CCDC33: variants seen among roughly 807,000 people sequenced by gnomAD.
The protein encoded by CCDC33 is coiled-coil domain-containing protein 33.
CCDC33 carries 94 observed loss-of-function variants against 91.9 expected under a neutral mutation model. The observed-to-expected ratio is 1.02, with a 90% CI of 0.87 to 1.21. CCDC33 has a LOEUF of 1.21. Among genes scored for constraint, CCDC33 ranks in the 50% most tolerant of loss-of-function variants. The pLI, the probability that CCDC33 is intolerant of heterozygous loss-of-function variation, is 0.00. For missense variants in CCDC33, 940 were observed against 935.5 expected (o/e 1.00, Z -0.06); for synonymous variants, 396 against 374.5 (o/e 1.06, Z -0.66).
At chr15:74,287,015 A>G (rs145429398) in intron 10 of CCDC33, among the ~76,000 whole-genome samples, 43 of 152,328 alleles carry the variant, frequency 2.8e-4, no homozygotes, top group African/African-American at 9.9e-4. Context: ...AGTGAGGACA[A>G]GTGGCCACTT....
rs141876621 is a variant in CCDC33 at position 74,212,120 on chromosome 15, G to A, written n.237-26G>A. On this transcript the variant is annotated intron_variant and non_coding_transcript_variant, in intron 2 of 3. Transcript: ENST00000558645. ...CCTGCCATCTCCTGCCCTCTTTCCC[G>A]CCTTACCTGCTCTGTCTGTCCCCAG... is the stretch of plus-strand genomic sequence containing the variant. The A allele has an allele frequency of 5.9e-3, 905 of 152,950 alleles. 10 individuals are homozygous for A. The highest frequency in any genetic ancestry group is 0.021 in the African/African-American group (858 of 41,492). The allele number at this position is 152,950 out of a possible 1,614,324, so 9.5% of individuals were successfully genotyped here.
At position 74,316,909 on chromosome 15, in the gene CCDC33, G is replaced by A. The variant is rs889978252; in HGVS notation, c.1291-13280G>A. On this transcript the variant is annotated intron_variant, in intron 11 of 18. Transcript: ENST00000398814. This position sits in a 1 kb window ranked among gnomAD's most constrained non-coding sequence, Gnocchi z 4.7. ...GAGAAAACAGGCTTAGAGAGGTTAA[G>A]TGACCTGTCCAAAGTCACACAGCTG... 6.6e-6 allele frequency among the ~76,000 whole-genome samples: 1 copy of A among 152,204 alleles called. No homozygotes were observed. The highest frequency in any genetic ancestry group is 6.5e-5 in the Admixed American group (1 of 15,276).
intron 16 of CCDC33, chr15:74,333,355 C>T (rs1334267551): frequency 4.7e-6 from 7 of 1,499,796 alleles, no homozygotes; most frequent in South Asian, 2.4e-5. Context: ...ATGCCCAGGC[C>T]CTGCTCCACC....
rs2060412168 is a variant in CCDC33 at position 74,330,651 on chromosome 15, C to A, written c.1457-12C>A. 1 of 1,609,718 alleles carries A rather than the reference C, an allele frequency of 6.2e-7. No homozygotes were observed. Among genetic ancestry groups the A allele is most frequent in the Non-Finnish European group, 8.5e-7 (1 of 1,177,042 alleles). On this transcript the variant is annotated splice_polypyrimidine_tract_variant and intron_variant, in intron 12 of 18. Coordinates refer to ENST00000398814, the MANE Select transcript of CCDC33 (RefSeq NM_025055.5). ...CTTCCTCCCTGAGCCAGCTCCCCAACCCACCTAACAGTGTCCATGAAGCAG... is the reference window on the plus strand; with the variant it reads ...CTTCCTCCCTGAGCCAGCTCCCCAAACCACCTAACAGTGTCCATGAAGCAG...
chr15:74,331,152 T>C, intron 14 of CCDC33, 40 bp downstream of exon 14: 2 of 1,613,884 alleles, frequency 1.2e-6, no homozygotes, highest in Non-Finnish European at 1.7e-6. Flanking sequence ...CAACTGATGA[T>C]GGCAGAGTAG....
intron 2 of CCDC33, among the ~76,000 whole-genome samples, chr15:74,260,346 C>A (rs1258893712): frequency 1.3e-5 from 2 of 152,218 alleles, no homozygotes; most frequent in East Asian, 3.9e-4. Context: ...TCTGCAGAGC[C>A]TGCAGGGGTG....
Position 74,244,538 on chromosome 15 carries a change from C to T in CCDC33, c.185+390C>T, listed in dbSNP as rs576564268. 6.6e-6 allele frequency among the ~76,000 whole-genome samples: 1 copy of T among 152,210 alleles called. No individual in the cohort carries two copies. The highest frequency in any genetic ancestry group is 6.5e-5 in the Admixed American group (1 of 15,294). On this transcript the variant is annotated intron_variant, in intron 2 of 18. Transcript: ENST00000398814. The surrounding 1 kb of genome is among the most constrained non-coding windows in gnomAD (Gnocchi z 4.2). ...CTGACTTCTGGGTGCCCCACCCCAC[C>T]ATACCCAGCCCTGGGGTAGGGTCCT...
chr15:74,251,660 G>A (rs2075714370), intron 2 of CCDC33, among the ~76,000 whole-genome samples: 1 of 152,190 alleles, frequency 6.6e-6, no homozygotes, highest in South Asian at 2.1e-4. Context: ...GCCAGCTAGA[G>A]TCATACTCAG....
chr15:74,276,030 C>T (rs999593940), intron 7 of CCDC33, among the ~76,000 whole-genome samples: 13 of 152,248 alleles, frequency 8.5e-5, no homozygotes, highest in African/African-American at 2.9e-4. Flanking sequence ...ACCCAGCCAT[C>T]CCTCAGCAGA....
At chr15:74,282,169 T>C (rs994639076) in intron 10 of CCDC33, among the ~76,000 whole-genome samples, 3 of 152,184 alleles carry the variant, frequency 2.0e-5, no homozygotes, top group African/African-American at 4.8e-5. Context: ...ATAACCAAAT[T>C]AGCAGCTTAA....
upstream of CCDC33, chr15:74,236,319 A>C: frequency 5.3e-6 from 1 of 188,274 alleles, no homozygotes; most frequent in Non-Finnish European, 1.1e-5. Context: ...GCTAGGTGGA[A>C]GAGCTTATTG....
chr15:74,333,592 A>G (rs1165993341), intron 16 of CCDC33, among the ~76,000 whole-genome samples: 1 of 152,206 alleles, frequency 6.6e-6, no homozygotes, highest in East Asian at 1.9e-4. Flanking sequence ...AAAGACTCCC[A>G]GTGCGTTAAT....
intron 5 of CCDC33, among the ~76,000 whole-genome samples, chr15:74,270,129 G>A (rs911301423): frequency 4.6e-5 from 7 of 152,226 alleles, no homozygotes; most frequent in African/African-American, 1.4e-4. Context: ...TGAGAGCTGC[G>A]AGGCCCTAAG....
chr15:74,275,837 T>C (rs1230826865), intron 7 of CCDC33, among the ~76,000 whole-genome samples: 1 of 152,102 alleles, frequency 6.6e-6, no homozygotes, highest in Non-Finnish European at 1.5e-5. Context: ...GCCCAGCTAA[T>C]TTTGTATATT....
chr15:74,219,735 A>G (rs2074540258), intron 2 of CCDC33, among the ~76,000 whole-genome samples: 1 of 152,164 alleles, frequency 6.6e-6, no homozygotes, highest in South Asian at 2.1e-4. Flanking sequence ...TCATTCATCC[A>G]TCAGACATTT....
intron 1 of CCDC33, among the ~76,000 whole-genome samples, chr15:74,243,107 G>A (rs2142264872): frequency 6.6e-6 from 1 of 152,340 alleles, no homozygotes; most frequent in East Asian, 1.9e-4. Flanking sequence ...CCTGCTTGGG[G>A]CAACTGGTGT....
intron 7 of CCDC33, among the ~76,000 whole-genome samples, chr15:74,279,673 A>G (rs1418770687): frequency 6.6e-6 from 1 of 152,096 alleles, no homozygotes; most frequent in Non-Finnish European, 1.5e-5. Flanking sequence ...GGTAGCTGGG[A>G]TTACAGGAGT....
Position 74,244,223 on chromosome 15 carries a change from A to G in CCDC33, c.185+75A>G. On this transcript the variant is annotated intron_variant, in intron 2 of 18. Transcript: ENST00000398814. This position sits in a 1 kb window ranked among gnomAD's most constrained non-coding sequence, Gnocchi z 4.2. ...AGAAACCAGGGGACAGCTATTTGGA[A>G]TACTAGCACCCAAAGGCCCAGGACT... 1 of 1,529,934 alleles carries G rather than the reference A, an allele frequency of 6.5e-7. No homozygotes were observed. The highest frequency in any genetic ancestry group is 8.8e-7 in the Non-Finnish European group (1 of 1,132,458). 94.8% of individuals were successfully genotyped at this position (1,529,934 alleles called of 1,614,324 possible). A position where few individuals can be genotyped will look rare whatever the true frequency, so the allele number is the denominator to read the frequency against.
intron 11 of CCDC33, among the ~76,000 whole-genome samples, chr15:74,307,230 G>C (rs1407256325): frequency 6.6e-6 from 1 of 152,180 alleles, no homozygotes; most frequent in Non-Finnish European, 1.5e-5. Flanking sequence ...AGAAAGAGTT[G>C]CTAACCTGGG....
Sources: gnomAD v4.1 joint callset for allele counts (sites outside exome capture counted in the v4.1 genomes callset) on GRCh38, gnomAD v4.1.1 for gene constraint, Gnocchi (gnomAD v3.1) non-coding constraint, MANE v1.5 for transcripts, NCBI Gene and HGNC (gene_info 2026-07-23, HGNC 2026-07-21) for gene names.